LHFPL3: variants seen among roughly 807,000 people sequenced by gnomAD.
The protein encoded by LHFPL3 is LHFPL tetraspan subfamily member 3.
LHFPL3 carries 5 observed loss-of-function variants against 19.3 expected under a neutral mutation model. The observed-to-expected ratio is 0.26, with a 90% CI of 0.14 to 0.54. LHFPL3 has a LOEUF of 0.54. LHFPL3 is among the 20% of genes least tolerant of loss of function. The pLI is 0.94. For synonymous variants in LHFPL3, 133 were observed against 126.2 expected (o/e 1.05, Z -0.36); for missense variants, 249 against 307.4 (o/e 0.81, Z 1.42).
intron 2 of LHFPL3, among the ~76,000 whole-genome samples, chr7:104,874,140 ATTCTAC>A (rs1337070124): frequency 6.6e-6 from 1 of 152,196 alleles, no homozygotes; most frequent in East Asian, 1.9e-4. Flanking sequence ...CATTTCTCTA[ATTCTAC>A]TTATTATTAG....
intron 2 of LHFPL3, among the ~76,000 whole-genome samples, chr7:104,883,975 C>T (rs1469883691): frequency 1.3e-5 from 2 of 152,148 alleles, no homozygotes; most frequent in African/African-American, 4.8e-5. Context: ...CAGTGCAACA[C>T]GTGGTTGGGG....
chr7:104,555,577 C>T (rs1180738600), intron 1 of LHFPL3, among the ~76,000 whole-genome samples: 1 of 152,218 alleles, frequency 6.6e-6, no homozygotes, highest in Non-Finnish European at 1.5e-5. Flanking sequence ...AATCACCTCT[C>T]ATCGGGTTCC....
chr7:104,470,928 C>T (rs994985683), intron 1 of LHFPL3, among the ~76,000 whole-genome samples: 7 of 152,076 alleles, frequency 4.6e-5, no homozygotes, highest in African/African-American at 1.7e-4. Flanking sequence ...AGGAGAATGC[C>T]CTCCTGCCAG....
intron 1 of LHFPL3, among the ~76,000 whole-genome samples, chr7:104,392,006 G>C (rs970386822): frequency 6.6e-6 from 1 of 152,142 alleles, no homozygotes; most frequent in Non-Finnish European, 1.5e-5. Context: ...TGGTGAATAG[G>C]AATGCTTGCG....
chr7:104,713,782 A>T (rs1170033639), intron 1 of LHFPL3, among the ~76,000 whole-genome samples: 1 of 152,220 alleles, frequency 6.6e-6, no homozygotes, highest in Non-Finnish European at 1.5e-5. Context: ...AGAAAGCCAA[A>T]TGAATTACAA....
chr7:104,579,357 T>G (rs1047052801), intron 1 of LHFPL3, among the ~76,000 whole-genome samples: 1 of 152,162 alleles, frequency 6.6e-6, no homozygotes, highest in Non-Finnish European at 1.5e-5. Flanking sequence ...ATTTCAATCT[T>G]TATGTCCAGG....
At chr7:104,791,630 C>G (rs996568372) in intron 2 of LHFPL3, among the ~76,000 whole-genome samples, 12 of 152,176 alleles carry the variant, frequency 7.9e-5, no homozygotes, top group Admixed American at 2.6e-4. Flanking sequence ...TCTCCCAGAA[C>G]CAGCTGGAAC....
intron 1 of LHFPL3, among the ~76,000 whole-genome samples, chr7:104,697,081 C>CT (rs1245065477): frequency 6.6e-6 from 1 of 152,158 alleles, no homozygotes; most frequent in Non-Finnish European, 1.5e-5. Flanking sequence ...TCCAGAGTCC[C>CT]TATAAGGCAT....
At chr7:104,683,236 C>T (rs1314949280) in intron 1 of LHFPL3, among the ~76,000 whole-genome samples, 2 of 152,202 alleles carry the variant, frequency 1.3e-5, no homozygotes, top group Non-Finnish European at 2.9e-5. Context: ...GTGATCCACT[C>T]GTCTCAGCCT....
chr7:104,588,725 A>G (rs546722356), intron 1 of LHFPL3, among the ~76,000 whole-genome samples: 5 of 152,232 alleles, frequency 3.3e-5, no homozygotes, highest in African/African-American at 1.2e-4. Flanking sequence ...CCATTTTCAC[A>G]ATATTGATTC....
intron 1 of LHFPL3, among the ~76,000 whole-genome samples, chr7:104,431,534 C>G (rs1387089565): frequency 6.6e-6 from 1 of 152,096 alleles, no homozygotes; most frequent in Non-Finnish European, 1.5e-5. Flanking sequence ...TTTCCTATAT[C>G]TCTTGCAGTA....
chr7:104,619,402 T>C (rs1182085902), intron 1 of LHFPL3, among the ~76,000 whole-genome samples: 1 of 152,248 alleles, frequency 6.6e-6, no homozygotes, highest in African/African-American at 2.4e-5. Context: ...CTTTGTTACA[T>C]ATCAGCTTGC....
At chr7:104,566,927 T>C (rs1234000627) in intron 1 of LHFPL3, among the ~76,000 whole-genome samples, 1 of 152,174 alleles carries the variant, frequency 6.6e-6, no homozygotes, top group African/African-American at 2.4e-5. Context: ...AAAATTATCC[T>C]TGGCTTTGTT....
At chr7:104,714,581 C>T (rs1326377099) in intron 1 of LHFPL3, among the ~76,000 whole-genome samples, 1 of 151,692 alleles carries the variant, frequency 6.6e-6, no homozygotes, top group African/African-American at 2.4e-5. Context: ...TTCATATAAC[C>T]TTAATCTTAA....
intron 1 of LHFPL3, among the ~76,000 whole-genome samples, chr7:104,467,713 G>T (rs1792821147): frequency 6.6e-6 from 1 of 152,166 alleles, no homozygotes; most frequent in Non-Finnish European, 1.5e-5. Context: ...ACTCGGACAG[G>T]ATTATATTTG....
chr7:104,881,695 G>C (rs938511785), intron 2 of LHFPL3, among the ~76,000 whole-genome samples: 1 of 152,122 alleles, frequency 6.6e-6, no homozygotes, highest in Non-Finnish European at 1.5e-5. Flanking sequence ...GCAGCAGCAG[G>C]GTTTGAGAAG....
chr7:104,634,297 G>A (rs1456229849), intron 1 of LHFPL3, among the ~76,000 whole-genome samples: 2 of 152,188 alleles, frequency 1.3e-5, no homozygotes, highest in Non-Finnish European at 2.9e-5. Context: ...TGCCAACATG[G>A]TTGGTTTTGT....
chr7:104,656,655 C>T (rs1792128109), intron 1 of LHFPL3, among the ~76,000 whole-genome samples: 1 of 152,246 alleles, frequency 6.6e-6, no homozygotes. Flanking sequence ...AGGAAATCCA[C>T]AGCTCATGAC....
intron 1 of LHFPL3, among the ~76,000 whole-genome samples, chr7:104,426,430 G>A (rs10257540): frequency 0.38 from 57,516 of 151,856 alleles, 13,272 homozygotes; most frequent in African/African-American, 0.63. Context: ...CTAATTTTGT[G>A]TTTTTAGTAG....
Sources: allele counts gnomAD v4.1 joint callset (sites outside exome capture counted in the v4.1 genomes callset), GRCh38; gene constraint gnomAD v4.1.1; transcripts MANE v1.5; gene names NCBI Gene and HGNC (gene_info 2026-07-23, HGNC 2026-07-21).